Variants in PFKM observed in about 807,000 individuals in gnomAD.
PFKM encodes ATP-dependent 6-phosphofructokinase, muscle type.
PFKM carries 58 observed loss-of-function variants against 95.5 expected under a neutral mutation model. The observed-to-expected ratio is 0.61, with a 90% CI of 0.49 to 0.76. PFKM has a LOEUF of 0.76. Ranked by LOEUF, PFKM falls within the 30% of genes least tolerant of loss-of-function variation. The pLI is 0.00. For synonymous variants in PFKM, 336 were observed against 357.2 expected (o/e 0.94, Z 0.67); for missense variants, 678 against 1,005.4 (o/e 0.67, Z 4.40).
intron 3 of PFKM, among the ~76,000 whole-genome samples, chr12:48,111,226 C>T (rs2137579973): frequency 6.6e-6 from 1 of 152,310 alleles, no homozygotes; most frequent in South Asian, 2.1e-4. Flanking sequence ...CCCATTTGCT[C>T]CTTGTGTCAC....
At chr12:48,130,078 T>C (rs1303145380) in intron 2 of PFKM, among the ~76,000 whole-genome samples, 1 of 152,200 alleles carries the variant, frequency 6.6e-6, no homozygotes, top group Non-Finnish European at 1.5e-5. Flanking sequence ...CTTGTTGTTA[T>C]TGTTTCCCAG....
intron 2 of PFKM, among the ~76,000 whole-genome samples, chr12:48,128,651 G>T (rs1348360301): frequency 6.6e-6 from 1 of 152,024 alleles, no homozygotes; most frequent in Non-Finnish European, 1.5e-5. Context: ...GAAACATTTT[G>T]ATTTTTTTTA....
In PFKM at chr12:48,107,990, C is replaced by G. The variant is rs531190237; in HGVS notation, c.83-82C>G. The G allele has an allele frequency of 4.0e-5, 57 of 1,435,506 alleles. 1 individual carries two copies. The South Asian group carries it at 4.3e-4, about 11-fold the overall frequency. 88.9% of individuals were successfully genotyped at this position (1,435,506 alleles called of 1,614,324 possible). On this transcript the variant is annotated intron_variant, in intron 2 of 24. Coordinates refer to the PFKM transcript ENST00000340802. ...AAGAAAGCCCTGGACAGCTCAGAGTCATAGGGAAAATGAAAGGGAGTAAGG... is the reference window on the plus strand; with the variant it reads ...AAGAAAGCCCTGGACAGCTCAGAGTGATAGGGAAAATGAAAGGGAGTAAGG...
chr12:48,121,446 A>G (rs1236326166), intron 1 of PFKM, among the ~76,000 whole-genome samples: 2 of 152,224 alleles, frequency 1.3e-5, no homozygotes, highest in African/African-American at 4.8e-5. Flanking sequence ...TCTGTCTGTT[A>G]ACACAATGCA....
intron 3 of PFKM, among the ~76,000 whole-genome samples, chr12:48,112,431 G>A (rs1592592636): frequency 6.6e-6 from 1 of 152,262 alleles, no homozygotes. Flanking sequence ...GTTGAGATAG[G>A]TAATGGATAA....
chr12:48,143,691 A>C (rs375947116), intron 18 of PFKM, 62 bp from the exon 19 acceptor site: 2 of 1,192,544 alleles, frequency 1.7e-6, no homozygotes, highest in Admixed American at 3.4e-5. Context: ...GGTGTGGAAG[A>C]TGATTTATAC....
At chr12:48,141,672 C>A in intron 15 of PFKM, 68 bp from the exon 16 acceptor site, 1 of 1,197,844 alleles carries the variant, frequency 8.3e-7, no homozygotes, top group Non-Finnish European at 1.2e-6. Flanking sequence ...TTTTCTCCCC[C>A]TCAATTTTCC....
intron 4 of PFKM, 56 bp from the exon 5 acceptor site, chr12:48,132,812 A>G (rs1267243469): frequency 7.0e-7 from 1 of 1,422,008 alleles, no homozygotes; most frequent in Non-Finnish European, 9.8e-7. Flanking sequence ...GGAATAGGGG[A>G]TATCTCAGCA....
chr12:48,131,222 G>C (rs1949444782), intron 3 of PFKM, 94 bp from the exon 4 acceptor site: 2 of 874,234 alleles, frequency 2.3e-6, no homozygotes, highest in East Asian at 4.9e-5. Context: ...GAGGTGGCTT[G>C]ACTCTCAGAG....
In PFKM at chr12:48,106,358, C is replaced by T. The variant is rs567575939; in HGVS notation, c.-10+221C>T. The T allele has an allele frequency of 1.2e-4, 58 of 495,026 alleles. No homozygotes were observed. The East Asian group carries it at 2.0e-3, about 17-fold the overall frequency. The allele number at this position is 495,026 out of a possible 1,614,324, so 30.7% of individuals were successfully genotyped here. ...TGCTTTTCTCTGTTCCCTCTGCTCC[C>T]TTACCCGCCGCCTTCTGGTTCCGCC... On this transcript the variant is annotated intron_variant, in intron 1 of 24. Coordinates refer to the PFKM transcript ENST00000340802.
upstream of PFKM, chr12:48,119,305 TG>T (rs1444452318): frequency 2.0e-6 from 2 of 983,930 alleles, no homozygotes; most frequent in African/African-American, 3.5e-5. Flanking sequence ...CCTCCCTCTT[TG>T]CCTCCACCTG....
chr12:48,127,379 A>G (rs1009344139), intron 2 of PFKM, among the ~76,000 whole-genome samples: 1 of 152,168 alleles, frequency 6.6e-6, no homozygotes, highest in Non-Finnish European at 1.5e-5. Context: ...TTCAAACAGC[A>G]TATCCAAATA....
chr12:48,114,943 G>A (rs182008286), upstream of PFKM, among the ~76,000 whole-genome samples: 6 of 152,254 alleles, frequency 3.9e-5, no homozygotes, highest in East Asian at 1.2e-3. Context: ...GAGAACACAG[G>A]CTAAGGCAGA....
rs917391721 is a variant in PFKM at position 48,145,904 on chromosome 12, A to G, written c.*196A>G. Reference sequence around the variant, plus strand: ...GAGCTCCTTTTAGGTAGAATTTAACATGACTTCTGCCCCAGCTTTATCTGT... The same window carrying G: ...GAGCTCCTTTTAGGTAGAATTTAACGTGACTTCTGCCCCAGCTTTATCTGT... On this transcript the variant is annotated 3_prime_UTR_variant, in exon 23 of 23. Transcript: ENST00000359794. The surrounding 1 kb of genome is among the most constrained non-coding windows in gnomAD (Gnocchi z 4.3). 6.6e-6 allele frequency: 4 copies of G among 602,284 alleles called. No individual in the cohort carries two copies. The highest frequency in any genetic ancestry group is 5.6e-5 in the African/African-American group (3 of 54,046). 37.3% of individuals were successfully genotyped at this position (602,284 alleles called of 1,614,324 possible). A position where few individuals can be genotyped will look rare whatever the true frequency, so the allele number is the denominator to read the frequency against.
At chr12:48,114,973 G>T (rs1199599860), upstream of PFKM, among the ~76,000 whole-genome samples, 1 of 152,152 alleles carries the variant, frequency 6.6e-6, no homozygotes. Flanking sequence ...AATGGAGGGT[G>T]GAAGGTTGCC....
chr12:48,111,606 A>G (rs999961355), intron 3 of PFKM, among the ~76,000 whole-genome samples: 3 of 152,234 alleles, frequency 2.0e-5, no homozygotes, highest in African/African-American at 7.2e-5. Flanking sequence ...GATGTGGAAG[A>G]TACTATAGCA....
In PFKM at chr12:48,142,623, A is replaced by G. The variant is rs74089122; in HGVS notation, c.1654-159A>G. ...ACGTTCTGCAGTGAGGTTGGCAAATATGCCTGTTACCCTAAATGCAAGAAC... is the reference window on the plus strand; with the variant it reads ...ACGTTCTGCAGTGAGGTTGGCAAATGTGCCTGTTACCCTAAATGCAAGAAC... On this transcript the variant is annotated intron_variant, in intron 17 of 22. Coordinates refer to ENST00000359794, the MANE Select transcript of PFKM (RefSeq NM_000289.6). Among the ~76,000 whole-genome samples the G allele has an allele frequency of 0.017, 2,621 of 152,108 alleles. 92 individuals carry two copies. Among genetic ancestry groups the G allele is most frequent in the African/African-American group, 0.059 (2,460 of 41,442 alleles).
chr12:48,121,425 G>A lies in PFKM; in HGVS notation c.-8-1342G>A, dbSNP rs533727884. Among the ~76,000 whole-genome samples the A allele has an allele frequency of 2.2e-4, 33 of 152,312 alleles. No individual in the cohort carries two copies. In the South Asian group the frequency reaches 4.4e-3, roughly 20 times the overall value. ...TGTTAGTACTGATTATATGTAGTAC[G>A]TTCATTAATCTCTGTCTGTTAACAC... On this transcript the variant is annotated intron_variant, in intron 1 of 22. Coordinates refer to ENST00000359794, the MANE Select transcript of PFKM (RefSeq NM_000289.6).
chr12:48,106,185 A>C, intron 1 of PFKM: 1 of 692,942 alleles, frequency 1.4e-6, no homozygotes, highest in Non-Finnish European at 2.6e-6. Context: ...GAACAGAGTT[A>C]AGGACCAGTG....
Sources: gnomAD v4.1 joint callset for allele counts (sites outside exome capture counted in the v4.1 genomes callset) on GRCh38, gnomAD v4.1.1 for gene constraint, Gnocchi (gnomAD v3.1) non-coding constraint, MANE v1.5 for transcripts, NCBI Gene and HGNC (gene_info 2026-07-23, HGNC 2026-07-21) for gene names.